Variants in TBC1D15 observed in about 807,000 individuals in gnomAD.
TBC1D15 encodes TBC1 domain family member 15, also known as GAP for RAB7.
A neutral mutation model predicts 95.4 loss-of-function variants in TBC1D15; 39 were observed. The observed-to-expected ratio is 0.41, with a 90% CI of 0.32 to 0.53. The LOEUF (loss-of-function observed/expected upper bound fraction) is 0.53. Ranked by LOEUF, TBC1D15 falls within the 20% of genes least tolerant of loss-of-function variation. TBC1D15 has a pLI of 0.29. For missense variants in TBC1D15, 733 were observed against 794.3 expected, an observed-to-expected ratio of 0.92 and a Z score of 0.93; for synonymous variants, 258 against 261.3, an observed-to-expected ratio of 0.99 and a Z score of 0.12.
At chr12:71,889,175 C>T (rs1896791372) in intron 5 of TBC1D15, among the ~76,000 whole-genome samples, 1 of 152,092 alleles carries the variant, frequency 6.6e-6, no homozygotes, top group African/African-American at 2.4e-5. Flanking sequence ...AAGCTTTGTA[C>T]ACTTTGTTCT....
intron 1 of TBC1D15, among the ~76,000 whole-genome samples, chr12:71,856,650 GA>G (rs1238916765): frequency 6.6e-6 from 1 of 151,804 alleles, no homozygotes; most frequent in African/African-American, 2.4e-5. Context: ...TTAGGTAGTA[GA>G]AAGGAAGAAA....
At chr12:71,877,220 T>G (rs1157298584) in intron 3 of TBC1D15, among the ~76,000 whole-genome samples, 1 of 151,348 alleles carries the variant, frequency 6.6e-6, no homozygotes, top group Non-Finnish European at 1.5e-5. Flanking sequence ...GTTTTTTTTT[T>G]TTTTAAACCT....
At chr12:71,856,794 T>A in intron 1 of TBC1D15, among the ~76,000 whole-genome samples, 1 of 152,196 alleles carries the variant, frequency 6.6e-6, no homozygotes, top group East Asian at 1.9e-4. Context: ...TTTGTCAGTG[T>A]CCATATATGC....
At chr12:71,857,537 G>A (rs1413209492) in intron 1 of TBC1D15, among the ~76,000 whole-genome samples, 1 of 152,116 alleles carries the variant, frequency 6.6e-6, no homozygotes, top group East Asian at 1.9e-4. Flanking sequence ...TATTATTGAA[G>A]TTTTAGTTGG....
intron 1 of TBC1D15, among the ~76,000 whole-genome samples, chr12:71,843,287 C>A (rs577154411): frequency 1.3e-5 from 2 of 152,082 alleles, no homozygotes; most frequent in Non-Finnish European, 2.9e-5. Flanking sequence ...AAGAAAATTA[C>A]TTGAAACAAT....
rs117659191 is a variant in TBC1D15, at chr12:71,859,162, C to A, written c.31-12908C>A. 5.4e-3 allele frequency among the ~76,000 whole-genome samples: 825 copies of A among 152,058 alleles called. 5 individuals are homozygous for A. Among genetic ancestry groups the A allele is most frequent in the East Asian group, 0.016 (82 of 5,174 alleles). Reference sequence around the variant, plus strand: ...TCATCGTCATTTTTAAATGTAGATACAGAGTTTATTTGGGCCAAGATTGAG... The same window carrying A: ...TCATCGTCATTTTTAAATGTAGATAAAGAGTTTATTTGGGCCAAGATTGAG... On this transcript the variant is annotated intron_variant, in intron 1 of 16. Transcript: ENST00000485960.
At chr12:71,863,260 C>T (rs560493227) in intron 1 of TBC1D15, among the ~76,000 whole-genome samples, 39 of 152,150 alleles carry the variant, frequency 2.6e-4, no homozygotes, top group African/African-American at 8.9e-4. Context: ...CACCTGTAGT[C>T]CCAGCTACTC....
At chr12:71,904,934 A>C (rs568947933) in intron 10 of TBC1D15, among the ~76,000 whole-genome samples, 1 of 152,342 alleles carries the variant, frequency 6.6e-6, no homozygotes, top group Non-Finnish European at 1.5e-5. Flanking sequence ...TGGTGAATAT[A>C]AAATGGGGTC....
chr12:71,894,227 T>C, intron 6 of TBC1D15: 2 of 943,266 alleles, frequency 2.1e-6, no homozygotes, highest in Non-Finnish European at 3.3e-6. Flanking sequence ...AAATGTCAAC[T>C]AATATTTAAA....
intron 1 of TBC1D15, chr12:71,861,515 G>T (rs2138125348): frequency 6.6e-7 from 1 of 1,515,456 alleles, no homozygotes; most frequent in Non-Finnish European, 8.8e-7. Context: ...TCTCTCTAAT[G>T]ATCCTTTGTA....
chr12:71,867,975 T>C (rs11178971), intron 1 of TBC1D15, among the ~76,000 whole-genome samples: 13,552 of 152,248 alleles, frequency 0.089, 683 homozygotes, highest in East Asian at 0.16. Flanking sequence ...CCTGTGCCCT[T>C]AAGTCTTATA....
At chr12:71,897,813 A>G in intron 9 of TBC1D15, 34 bp from the exon 10 acceptor site, 1 of 1,549,784 alleles carries the variant, frequency 6.5e-7, no homozygotes, top group Non-Finnish European at 8.9e-7. Context: ...AAGTTTTCAA[A>G]TAGCTTTCTT....
At chr12:71,850,071 G>A (rs1289021916) in intron 1 of TBC1D15, 1 of 519,450 alleles carries the variant, frequency 1.9e-6, no homozygotes, top group Non-Finnish European at 3.7e-6. Flanking sequence ...ATCGCTGTGA[G>A]TTTAAATTAT....
chr12:71,907,046 GAACA>G lies in TBC1D15; in HGVS notation c.1214_1217del (p.Asn405SerfsTer11). On this transcript the variant is annotated frameshift_variant, in exon 11 of 17. Transcript: ENST00000485960. LOFTEE classifies it high-confidence loss of function. ...GAAAAAGATGTTAACAGAACAGATC[GAACA>G]AACAAGTTTTATGAAGGCCAAGATA... The G allele has an allele frequency of 6.2e-7, 1 of 1,610,258 alleles. No individual in the cohort carries two copies. The highest frequency in any genetic ancestry group is 8.5e-7 in the Non-Finnish European group (1 of 1,178,320).
At chr12:71,898,087 T>C (rs1898581697) in intron 10 of TBC1D15, 146 bp downstream of exon 10, 1 of 536,826 alleles carries the variant, frequency 1.9e-6, no homozygotes, top group Non-Finnish European at 3.3e-6. Flanking sequence ...GTGTGTTTAA[T>C]GTTCTTTGTT....
At chr12:71,866,509 G>T (rs991284337) in intron 1 of TBC1D15, among the ~76,000 whole-genome samples, 2 of 152,230 alleles carry the variant, frequency 1.3e-5, no homozygotes, top group Admixed American at 1.3e-4. Context: ...GGGATGGAGT[G>T]ATGGGATCCC....
At chr12:71,918,103 T>C (rs554020500) in intron 13 of TBC1D15, among the ~76,000 whole-genome samples, 83 of 152,248 alleles carry the variant, frequency 5.5e-4, no homozygotes, top group African/African-American at 1.9e-3. Flanking sequence ...TACAGTGAAC[T>C]GGGATCACTC....
chr12:71,914,907 G>A (rs1337995174), intron 12 of TBC1D15, among the ~76,000 whole-genome samples: 3 of 151,604 alleles, frequency 2.0e-5, no homozygotes, highest in African/African-American at 7.3e-5. Flanking sequence ...TTCCCTGCTT[G>A]TGGCTATTTC....
At position 71,896,185 on chromosome 12, in the gene TBC1D15, T is replaced by C. The variant is rs1898133071; in HGVS notation, c.984+110T>C. ...TTTTTTTTGTTGTTGGTTTTTTTTT[T>C]TTTTGGTGGGGGAAGTAGGGAGGAA... On this transcript the variant is annotated intron_variant, in intron 8 of 16. Transcript: ENST00000485960. The C allele has an allele frequency of 5.5e-6, 6 of 1,098,088 alleles. No homozygotes were observed. The South Asian group carries it at 9.1e-5, about 17-fold the overall frequency. The allele number at this position is 1,098,088 out of a possible 1,614,324, so 68.0% of individuals were successfully genotyped here.
Sources: allele counts gnomAD v4.1 joint callset (sites outside exome capture counted in the v4.1 genomes callset), GRCh38; gene constraint gnomAD v4.1.1; transcripts MANE v1.5; gene names NCBI Gene and HGNC (gene_info 2026-07-23, HGNC 2026-07-21).